The following DHX32 variants were observed in gnomAD, a reference collection of about 807,000 sequenced individuals.
DHX32 encodes DEAH-box helicase 32 (putative), also known as putative pre-mRNA-splicing factor ATP-dependent RNA helicase DHX32.
A neutral mutation model predicts 70.0 loss-of-function variants in DHX32; 51 were observed. The observed-to-expected ratio is 0.73, with a 90% confidence interval of 0.58 to 0.92. DHX32 has a LOEUF of 0.92. DHX32 is among the 40% of genes least tolerant of loss of function. The probability of loss-of-function intolerance (pLI) is 0.00; values close to 1 mark genes in which losing one functional copy is unlikely to be tolerated. For synonymous variants in DHX32, 310 were observed against 315.3 expected (o/e 0.98, Z 0.18); for missense variants, 762 against 891.8 (o/e 0.85, Z 1.85).
At chr10:125,882,860 A>G (rs931177902), upstream of DHX32, among the ~76,000 whole-genome samples, 1 of 152,206 alleles carries the variant, frequency 6.6e-6, no homozygotes, top group Non-Finnish European at 1.5e-5. Context: ...CACTCTTCAG[A>G]GAAGTTAAAA....
chr10:125,865,681 C>T (rs970211649), intron 2 of DHX32, among the ~76,000 whole-genome samples: 2 of 152,124 alleles, frequency 1.3e-5, no homozygotes, highest in African/African-American at 4.8e-5. Flanking sequence ...AGGCATGCAC[C>T]ATCACGCTCA....
intron 3 of DHX32, among the ~76,000 whole-genome samples, chr10:125,856,751 G>A (rs527579116): frequency 6.6e-6 from 1 of 152,100 alleles, no homozygotes. Flanking sequence ...TTCAAGACCA[G>A]CCTGGGCAAC....
intron 1 of DHX32, among the ~76,000 whole-genome samples, chr10:125,890,106 G>T (rs147788462): frequency 1.4e-5 from 2 of 139,704 alleles, no homozygotes; most frequent in African/African-American, 6.6e-5. Context: ...ATCACTGGGG[G>T]TTGAAGAAAT....
intron 1 of DHX32, among the ~76,000 whole-genome samples, chr10:125,895,251 T>C (rs76461851): frequency 6.6e-6 from 1 of 152,132 alleles, no homozygotes; most frequent in African/African-American, 2.4e-5. Flanking sequence ...AGTGTCCTTG[T>C]CATCCATGGA....
intron 1 of DHX32, among the ~76,000 whole-genome samples, chr10:125,887,485 T>A (rs552579383): frequency 6.6e-6 from 1 of 152,332 alleles, no homozygotes; most frequent in African/African-American, 2.4e-5. Context: ...TCTGCTATGG[T>A]AAAAAAGTTG....
At chr10:125,880,266 A>G (rs1265023677) in intron 1 of DHX32, among the ~76,000 whole-genome samples, 1 of 152,200 alleles carries the variant, frequency 6.6e-6, no homozygotes, top group Non-Finnish European at 1.5e-5. Flanking sequence ...ATTTGAGTAA[A>G]TTTAATACTA....
At chr10:125,857,711 A>G (rs1046296376) in intron 3 of DHX32, among the ~76,000 whole-genome samples, 1 of 152,148 alleles carries the variant, frequency 6.6e-6, no homozygotes, top group Non-Finnish European at 1.5e-5. Context: ...TATAAGAATC[A>G]TGTACTCTAA....
At chr10:125,850,711 G>A (rs1944080106) in intron 6 of DHX32, among the ~76,000 whole-genome samples, 6 of 152,140 alleles carry the variant, frequency 3.9e-5, no homozygotes, top group Admixed American at 6.5e-5. Flanking sequence ...CTTATCTAAC[G>A]TGCCATGCCT....
chr10:125,870,444 C>T (rs759494179), intron 1 of DHX32, among the ~76,000 whole-genome samples: 7 of 152,088 alleles, frequency 4.6e-5, no homozygotes, highest in Non-Finnish European at 8.8e-5. Flanking sequence ...AGTTTCTTGG[C>T]GAGTATAATT....
At chr10:125,889,407 T>A (rs1376111772) in intron 1 of DHX32, among the ~76,000 whole-genome samples, 1 of 152,176 alleles carries the variant, frequency 6.6e-6, no homozygotes, top group Admixed American at 6.5e-5. Flanking sequence ...TATGAGTGAA[T>A]AATAACGTCT....
upstream of DHX32, among the ~76,000 whole-genome samples, chr10:125,881,870 T>A (rs1173121913): frequency 2.6e-5 from 4 of 152,226 alleles, no homozygotes; most frequent in African/African-American, 9.6e-5. Flanking sequence ...TTCGAACTCC[T>A]GGGCTCAAGT....
chr10:125,859,488 G>T, intron 3 of DHX32, 115 bp downstream of exon 3: 1 of 1,201,672 alleles, frequency 8.3e-7, no homozygotes, highest in African/African-American at 1.5e-5. Flanking sequence ...AATGAGGTGT[G>T]ATGAAACCAA....
In DHX32 at chr10:125,866,120, G is replaced by A. The variant is rs149395124; in HGVS notation, c.476+870C>T. ...CTCTTGGAGTGGTCGGGCAGTGCCCGGGGCAGCTGAAGCCCGTGGGATGGT... is the reference window on the plus strand; with the variant it reads ...CTCTTGGAGTGGTCGGGCAGTGCCCAGGGCAGCTGAAGCCCGTGGGATGGT... On this transcript the variant is annotated intron_variant, in intron 2 of 10. Coordinates refer to ENST00000284690, the MANE Select transcript of DHX32 (RefSeq NM_018180.3). The surrounding 1 kb of genome is among the most constrained non-coding windows in gnomAD (Gnocchi z 4.8). 2.6e-5 allele frequency among the ~76,000 whole-genome samples: 4 copies of A among 152,266 alleles called. No homozygotes were observed. The highest frequency in any genetic ancestry group is 3.9e-4 in the East Asian group (2 of 5,172).
At chr10:125,877,672 C>T (rs897150694) in intron 1 of DHX32, among the ~76,000 whole-genome samples, 20 of 151,956 alleles carry the variant, frequency 1.3e-4, no homozygotes, top group Admixed American at 2.0e-4. Flanking sequence ...GGTGACAGAA[C>T]GAGCCTCTCT....
At chr10:125,856,166 T>C (rs1944145236) in intron 3 of DHX32, among the ~76,000 whole-genome samples, 1 of 152,226 alleles carries the variant, frequency 6.6e-6, no homozygotes, top group African/African-American at 2.4e-5. Context: ...ATGTATGTGG[T>C]TTATTTACAT....
chr10:125,878,760 G>A (rs1245816860), intron 1 of DHX32, among the ~76,000 whole-genome samples: 3 of 151,064 alleles, frequency 2.0e-5, no homozygotes, highest in Non-Finnish European at 4.4e-5. Context: ...CCAGGCTGGA[G>A]TGCAGTGACA....
intron 3 of DHX32, among the ~76,000 whole-genome samples, chr10:125,859,325 TGCC>T (rs1446794034): frequency 6.6e-6 from 1 of 152,208 alleles, no homozygotes; most frequent in African/African-American, 2.4e-5. Context: ...GAGCCAGCTG[TGCC>T]TTTGGGGCAG....
chr10:125,837,487 G>C (rs1367250170), intron 10 of DHX32, among the ~76,000 whole-genome samples: 1 of 152,142 alleles, frequency 6.6e-6, no homozygotes, highest in African/African-American at 2.4e-5. Flanking sequence ...GTGTGCGGTG[G>C]TGTGACAGTA....
chr10:125,839,568 T>TC (rs1473705836), intron 8 of DHX32, among the ~76,000 whole-genome samples: 1 of 152,200 alleles, frequency 6.6e-6, no homozygotes, highest in African/African-American at 2.4e-5. Flanking sequence ...ATGTATGTGG[T>TC]CCCATTTAAT....
Sources: gnomAD v4.1 joint callset for allele counts (sites outside exome capture counted in the v4.1 genomes callset) on GRCh38, gnomAD v4.1.1 for gene constraint, Gnocchi (gnomAD v3.1) non-coding constraint, MANE v1.5 for transcripts, NCBI Gene and HGNC (gene_info 2026-07-23, HGNC 2026-07-21) for gene names.